IGFL2: variants seen among roughly 807,000 people sequenced by gnomAD.
IGFL2 encodes insulin growth factor-like family member 2.
IGFL2 carries 7 observed loss-of-function variants against 13.9 expected under a neutral mutation model. The ratio of observed to expected loss-of-function variants is 0.51; its 90% CI spans 0.29 to 0.95. IGFL2 has a LOEUF of 0.95. Ranked by LOEUF, IGFL2 falls within the 40% of genes least tolerant of loss-of-function variation. IGFL2 has a pLI of 0.08. For synonymous variants in IGFL2, 55 were observed against 55.8 expected (o/e 0.99, Z 0.07); for missense variants, 138 against 147.8 (o/e 0.93, Z 0.34).
At chr19:46,093,483 G>A in the IGFL2 span, among the ~76,000 whole-genome samples, 2 of 152,124 alleles carry the variant, frequency 1.3e-5, no homozygotes, top group Admixed American at 1.3e-4. Context: ...TTCCTCCTAA[G>A]GTCGGGAACA....
the IGFL2 span, among the ~76,000 whole-genome samples, chr19:46,107,861 C>T: frequency 6.6e-6 from 1 of 152,078 alleles, no homozygotes; most frequent in Admixed American, 6.6e-5. Context: ...CCAAATGGGC[C>T]ATGAACTGGG....
chr19:46,094,549 G>A, the IGFL2 span, among the ~76,000 whole-genome samples: 1 of 151,290 alleles, frequency 6.6e-6, no homozygotes, highest in African/African-American at 2.4e-5. Flanking sequence ...TTAAGTTCTG[G>A]GATACATGTT....
At chr19:46,204,940 G>T in the IGFL2 span, 1 of 130,868 alleles carries the variant, frequency 7.6e-6, no homozygotes, top group Non-Finnish European at 1.7e-5. Flanking sequence ...ACCACACTCA[G>T]GTATTTTTTT....
the IGFL2 span, among the ~76,000 whole-genome samples, chr19:46,187,710 CAG>C: frequency 6.8e-6 from 1 of 147,488 alleles, no homozygotes; most frequent in Non-Finnish European, 1.5e-5. Context: ...GCTACCTGAT[CAG>C]AGACGGTGAG....
chr19:46,200,054 T>C, the IGFL2 span, among the ~76,000 whole-genome samples: 2 of 152,118 alleles, frequency 1.3e-5, no homozygotes, highest in African/African-American at 4.8e-5. Flanking sequence ...TTTTTGTATT[T>C]TTAGTAGAGA....
At chr19:46,099,529 C>A in the IGFL2 span, among the ~76,000 whole-genome samples, 2 of 149,922 alleles carry the variant, frequency 1.3e-5, no homozygotes, top group Non-Finnish European at 3.0e-5. Context: ...CTTTTTCTTT[C>A]TTTCTTTTTT....
the IGFL2 span, chr19:46,120,473 G>C: frequency 1.4e-6 from 2 of 1,424,382 alleles, no homozygotes; most frequent in Non-Finnish European, 9.6e-7. Flanking sequence ...TGCTACACCA[G>C]ATGTGTAGAT....
chr19:46,137,554 G>T, the IGFL2 span: 1 of 1,018,024 alleles, frequency 9.8e-7, no homozygotes, highest in Non-Finnish European at 1.5e-6. Context: ...CCATGGAATC[G>T]TCATCCTCCG....
At chr19:46,156,202 C>T (rs1173473482) in intron 1 of IGFL2, among the ~76,000 whole-genome samples, 2 of 152,134 alleles carry the variant, frequency 1.3e-5, no homozygotes, top group Non-Finnish European at 2.9e-5. Context: ...TTGAATTTAT[C>T]GATCAATTTG....
At chr19:46,167,725 G>A in the IGFL2 span, among the ~76,000 whole-genome samples, 7 of 152,168 alleles carry the variant, frequency 4.6e-5, no homozygotes, top group Admixed American at 1.3e-4. Context: ...AGTGCTTGAG[G>A]TCATAAGGGT....
the IGFL2 span, among the ~76,000 whole-genome samples, chr19:46,084,436 T>A: frequency 6.6e-6 from 1 of 152,208 alleles, no homozygotes; most frequent in Non-Finnish European, 1.5e-5. Context: ...TCTTTACTAT[T>A]ACTGCATCTG....
the IGFL2 span, among the ~76,000 whole-genome samples, chr19:46,186,027 A>G: frequency 6.6e-6 from 1 of 152,134 alleles, no homozygotes; most frequent in African/African-American, 2.4e-5. Context: ...GACTCTAGGA[A>G]AATTTCCTAA....
the IGFL2 span, among the ~76,000 whole-genome samples, chr19:46,171,282 A>G: frequency 6.6e-6 from 1 of 152,152 alleles, no homozygotes; most frequent in East Asian, 1.9e-4. Flanking sequence ...GATAGCCTGA[A>G]TGAGTCACTT....
chr19:46,127,270 G>T, the IGFL2 span, among the ~76,000 whole-genome samples: 4 of 152,088 alleles, frequency 2.6e-5, no homozygotes, highest in Non-Finnish European at 5.9e-5. Flanking sequence ...CATGCCTGCA[G>T]TCCCAGCTAC....
chr19:46,177,619 G>A, the IGFL2 span, among the ~76,000 whole-genome samples: 1 of 152,114 alleles, frequency 6.6e-6, no homozygotes, highest in African/African-American at 2.4e-5. Context: ...CAACATTTTA[G>A]GGTCCAGGGA....
the IGFL2 span, among the ~76,000 whole-genome samples, chr19:46,118,311 A>G: frequency 6.6e-6 from 1 of 152,172 alleles, no homozygotes; most frequent in Non-Finnish European, 1.5e-5. Flanking sequence ...CACATTTCAA[A>G]CAAATGGTCT....
chr19:46,124,333 AG>A, the IGFL2 span: 4 of 1,606,624 alleles, frequency 2.5e-6, 1 homozygote, highest in South Asian at 2.2e-5. Flanking sequence ...TAAGGGAGAA[AG>A]GAAAAAGGTT....
chr19:46,196,847 C>T, the IGFL2 span: 2 of 152,904 alleles, frequency 1.3e-5, no homozygotes, highest in Non-Finnish European at 2.9e-5. Context: ...CCTCTTCTTC[C>T]TTCTCCCACA....
At chr19:46,170,390 C>T in the IGFL2 span, among the ~76,000 whole-genome samples, 1 of 152,340 alleles carries the variant, frequency 6.6e-6, no homozygotes, top group Non-Finnish European at 1.5e-5. Flanking sequence ...ATCCCATCAT[C>T]TTCATAAGCT....
Sources: allele counts gnomAD v4.1 joint callset (sites outside exome capture counted in the v4.1 genomes callset), GRCh38; gene constraint gnomAD v4.1.1; transcripts MANE v1.5; gene names NCBI Gene and HGNC (gene_info 2026-07-23, HGNC 2026-07-21).